FBXW8: variants seen among roughly 807,000 people sequenced by gnomAD.
The protein encoded by FBXW8 is F-box and WD repeat domain containing 8, also known as F-box/WD repeat-containing protein 8.
Under a neutral mutation model 65.3 loss-of-function variants are expected in FBXW8, and 57 were observed. The ratio of observed to expected loss-of-function variants is 0.87; its 90% CI spans 0.71 to 1.09. The LOEUF (loss-of-function observed/expected upper bound fraction) is 1.09. Among genes scored for constraint, FBXW8 ranks in the 50% least tolerant of loss-of-function variants. The pLI, the probability that FBXW8 is intolerant of heterozygous loss-of-function variation, is 0.00. For synonymous variants in FBXW8, 308 were observed against 330.2 expected, an observed-to-expected ratio of 0.93 and a Z score of 0.73; for missense variants, 777 against 814.8, an observed-to-expected ratio of 0.95 and a Z score of 0.57.
At chr12:116,929,683 CTTATTT>C (rs1455757420) in intron 2 of FBXW8, among the ~76,000 whole-genome samples, 6 of 152,186 alleles carry the variant, frequency 3.9e-5, no homozygotes, top group African/African-American at 1.4e-4. Flanking sequence ...ACCTCACATA[CTTATTT>C]TCTGTGGTGA....
chr12:116,986,004 C>A (rs1291194746), intron 6 of FBXW8: 3 of 152,218 alleles, frequency 2.0e-5, no homozygotes, highest in African/African-American at 7.2e-5. Context: ...GGTACAGGAA[C>A]CTCTAGATTT....
chr12:116,995,176 C>T (rs1953345921), intron 7 of FBXW8, among the ~76,000 whole-genome samples: 1 of 152,284 alleles, frequency 6.6e-6, no homozygotes, highest in Middle Eastern at 3.4e-3. Context: ...CAGCCCTATC[C>T]GGCCAGTGTC....
intron 7 of FBXW8, among the ~76,000 whole-genome samples, chr12:117,005,775 C>T (rs1376662639): frequency 6.6e-6 from 1 of 152,208 alleles, no homozygotes; most frequent in Non-Finnish European, 1.5e-5. Context: ...CCTCACTGCC[C>T]AGCATCTGGC....
At chr12:116,944,099 G>T (rs1247221456) in intron 2 of FBXW8, among the ~76,000 whole-genome samples, 1 of 152,140 alleles carries the variant, frequency 6.6e-6, no homozygotes, top group Non-Finnish European at 1.5e-5. Flanking sequence ...GATTTTTAAG[G>T]CAATCCTGGA....
At chr12:116,996,172 A>T (rs1007780513) in intron 7 of FBXW8, among the ~76,000 whole-genome samples, 1 of 152,214 alleles carries the variant, frequency 6.6e-6, no homozygotes, top group African/African-American at 2.4e-5. Context: ...GGCAGATTGT[A>T]TTAAGCGGCA....
At chr12:116,953,543 G>A (rs1187813098) in intron 4 of FBXW8, among the ~76,000 whole-genome samples, 1 of 151,940 alleles carries the variant, frequency 6.6e-6, no homozygotes, top group Non-Finnish European at 1.5e-5. Flanking sequence ...AGGCCGAGGC[G>A]GGCGGATCAC....
intron 7 of FBXW8, among the ~76,000 whole-genome samples, chr12:117,004,062 C>T (rs1308062304): frequency 6.6e-6 from 1 of 152,234 alleles, no homozygotes; most frequent in Non-Finnish European, 1.5e-5. Context: ...CTTCTCCCCT[C>T]CTCCGTGCTG....
At chr12:116,990,026 C>G (rs1953197568) in intron 7 of FBXW8, among the ~76,000 whole-genome samples, 1 of 152,184 alleles carries the variant, frequency 6.6e-6, no homozygotes, top group South Asian at 2.1e-4. Context: ...TCTGGTGGTG[C>G]CTATTTTTAC....
chr12:116,994,293 A>G (rs2135684645), intron 7 of FBXW8, among the ~76,000 whole-genome samples: 1 of 152,378 alleles, frequency 6.6e-6, no homozygotes, highest in African/African-American at 2.4e-5. Context: ...ACGCAGACCA[A>G]TGGAATAGTA....
intron 7 of FBXW8, among the ~76,000 whole-genome samples, chr12:116,993,121 T>TTTTTTTTTTTA (rs1953290992): frequency 6.8e-6 from 1 of 147,472 alleles, no homozygotes; most frequent in Non-Finnish European, 1.5e-5. Context: ...TTTTTTTTTT[T>TTTTTTTTTTTA]GAGATGACGT....
At chr12:117,006,044 T>G (rs556817859) in intron 7 of FBXW8, among the ~76,000 whole-genome samples, 20 of 152,308 alleles carry the variant, frequency 1.3e-4, no homozygotes, top group Non-Finnish European at 2.1e-4. Flanking sequence ...TGCTATTGTC[T>G]TGTAAGGAAG....
In FBXW8 at chr12:116,936,901, G is replaced by A. The variant is rs1445317462; in HGVS notation, c.424-8463G>A. Among the ~76,000 whole-genome samples, 1 of 152,126 alleles carries A rather than the reference G, an allele frequency of 6.6e-6. No homozygotes were observed. Among genetic ancestry groups the A allele is most frequent in the Non-Finnish European group, 1.5e-5 (1 of 68,008 alleles). On this transcript the variant is annotated intron_variant, in intron 2 of 10. Transcript: ENST00000652555. This position sits in a 1 kb window ranked among gnomAD's most constrained non-coding sequence, Gnocchi z 4.6. ...CCTTTGGAGTGCTTTGAGCAGAGGG[G>A]TGACAAGGGCTGCCCTACGTTTAAA... is the stretch of plus-strand genomic sequence containing the variant.
At chr12:116,967,025 A>G (rs1042044910) in intron 5 of FBXW8, among the ~76,000 whole-genome samples, 27 of 152,176 alleles carry the variant, frequency 1.8e-4, no homozygotes, top group Admixed American at 1.3e-3. Flanking sequence ...TTAGAATTCA[A>G]ACAGAGCAAA....
At chr12:116,933,654 C>T (rs183696544) in intron 2 of FBXW8, among the ~76,000 whole-genome samples, 2 of 152,198 alleles carry the variant, frequency 1.3e-5, no homozygotes, top group South Asian at 4.1e-4. Flanking sequence ...TATTCTTAAA[C>T]AGAACCCCGT....
chr12:116,996,427 G>C (rs1200624310), intron 7 of FBXW8, among the ~76,000 whole-genome samples: 1 of 151,922 alleles, frequency 6.6e-6, no homozygotes, highest in African/African-American at 2.4e-5. Flanking sequence ...AATGCAGTGC[G>C]CATAGATTGT....
intron 10 of FBXW8, 67 bp from the exon 11 acceptor site, chr12:117,027,961 C>T: frequency 1.9e-6 from 3 of 1,601,358 alleles, no homozygotes; most frequent in Non-Finnish European, 2.6e-6. Flanking sequence ...CCTGCACAGA[C>T]AGAAGCGGCT....
intron 7 of FBXW8, among the ~76,000 whole-genome samples, chr12:117,001,328 G>A (rs12301921): frequency 6.6e-6 from 1 of 151,936 alleles, no homozygotes; most frequent in Non-Finnish European, 1.5e-5. Flanking sequence ...ATTTGTTTCA[G>A]TGATCTGATT....
intron 1 of FBXW8, among the ~76,000 whole-genome samples, chr12:116,923,949 G>A (rs1474905262): frequency 2.0e-5 from 3 of 152,120 alleles, no homozygotes; most frequent in African/African-American, 7.2e-5. Context: ...TCCTGACCTC[G>A]TGATCCGCCT....
chr12:116,991,620 C>T (rs1316259396), intron 7 of FBXW8, among the ~76,000 whole-genome samples: 2 of 152,158 alleles, frequency 1.3e-5, no homozygotes, highest in African/African-American at 4.8e-5. Flanking sequence ...TTGCCTGGAG[C>T]TATATCCACA....
Sources: allele counts gnomAD v4.1 joint callset (sites outside exome capture counted in the v4.1 genomes callset), GRCh38; gene constraint gnomAD v4.1.1; non-coding constraint Gnocchi (gnomAD v3.1); transcripts MANE v1.5; gene names NCBI Gene and HGNC (gene_info 2026-07-23, HGNC 2026-07-21).